PTPRN2: variants seen among roughly 807,000 people sequenced by gnomAD.
PTPRN2 encodes protein tyrosine phosphatase receptor type N2.
A neutral mutation model predicts 118.8 loss-of-function variants in PTPRN2; 74 were observed. That is an observed-to-expected ratio of 0.62 (90% CI 0.52 to 0.76). The LOEUF (loss-of-function observed/expected upper bound fraction) is 0.76, where lower values mean the gene tolerates loss of function less well. PTPRN2 is among the 30% of genes least tolerant of loss of function. PTPRN2 has a pLI of 0.00. For synonymous variants in PTPRN2, 641 were observed against 608.0 expected (o/e 1.05, Z -0.80); for missense variants, 1,481 against 1,394.4 (o/e 1.06, Z -0.99).
chr7:157,714,865 A>T (rs1002443444), intron 12 of PTPRN2, among the ~76,000 whole-genome samples: 3 of 150,992 alleles, frequency 2.0e-5, no homozygotes, highest in African/African-American at 4.9e-5. Flanking sequence ...TCCTGAGCAG[A>T]TTCTAGGTCT....
intron 12 of PTPRN2, among the ~76,000 whole-genome samples, chr7:157,738,361 A>C (rs2150957730): frequency 1.3e-5 from 2 of 152,280 alleles, no homozygotes; most frequent in South Asian, 4.1e-4. Flanking sequence ...ACTGGCGTGA[A>C]GTTCATCAGC....
chr7:158,317,033 C>A, intron 2 of PTPRN2, 101 bp from the exon 3 acceptor site: 2 of 877,894 alleles, frequency 2.3e-6, no homozygotes, highest in East Asian at 2.8e-5. Context: ...TCATGTGCCG[C>A]CGTGAGGTTT....
At chr7:157,828,396 C>G (rs1052911020) in intron 12 of PTPRN2, among the ~76,000 whole-genome samples, 1 of 152,196 alleles carries the variant, frequency 6.6e-6, no homozygotes, top group Non-Finnish European at 1.5e-5. Context: ...ACAAGACTTG[C>G]CCCCACTTCC....
intron 9 of PTPRN2, among the ~76,000 whole-genome samples, chr7:158,121,623 C>T (rs2150394846): frequency 6.6e-6 from 1 of 152,324 alleles, no homozygotes; most frequent in Non-Finnish European, 1.5e-5. Flanking sequence ...AATCCTGGGC[C>T]CAGCCCTCTG....
chr7:158,205,059 A>G, intron 4 of PTPRN2, 112 bp downstream of exon 4: 1 of 935,140 alleles, frequency 1.1e-6, no homozygotes, highest in East Asian at 2.5e-5. Context: ...TCTGCACCAG[A>G]AAGATGGTGG....
intron 3 of PTPRN2, among the ~76,000 whole-genome samples, chr7:158,269,240 G>A (rs929720168): frequency 1.3e-5 from 2 of 151,984 alleles, no homozygotes; most frequent in East Asian, 1.9e-4. Flanking sequence ...GCCAAACCTC[G>A]TCTCCTCATC....
chr7:158,454,979 G>A (rs956908930), intron 2 of PTPRN2, among the ~76,000 whole-genome samples: 3 of 152,122 alleles, frequency 2.0e-5, no homozygotes, highest in African/African-American at 7.2e-5. Flanking sequence ...CACAGGCATG[G>A]AGCAAACACA....
At chr7:157,981,378 C>T (rs543871680) in intron 11 of PTPRN2, among the ~76,000 whole-genome samples, 12 of 148,692 alleles carry the variant, frequency 8.1e-5, no homozygotes, top group South Asian at 2.1e-4. Context: ...CCTGCTATTC[C>T]GGGACGGGTG....
chr7:158,307,838 T>C (rs1801410063), intron 3 of PTPRN2, among the ~76,000 whole-genome samples: 2 of 152,174 alleles, frequency 1.3e-5, no homozygotes, highest in African/African-American at 4.8e-5. Context: ...AATCCACTCA[T>C]GAATTAATGA....
chr7:158,238,269 G>A (rs1046801256), intron 3 of PTPRN2, among the ~76,000 whole-genome samples: 3 of 152,110 alleles, frequency 2.0e-5, no homozygotes, highest in African/African-American at 7.2e-5. Context: ...GAGGAGCCCA[G>A]CACACCTGAT....
At chr7:157,818,127 G>A (rs1456404108) in intron 12 of PTPRN2, among the ~76,000 whole-genome samples, 2 of 151,184 alleles carry the variant, frequency 1.3e-5, no homozygotes, top group Non-Finnish European at 3.0e-5. Context: ...TGTGTGTAGT[G>A]TGTGTATATG....
chr7:158,040,842 C>T (rs1585252783), intron 11 of PTPRN2, among the ~76,000 whole-genome samples: 1 of 150,940 alleles, frequency 6.6e-6, no homozygotes, highest in Non-Finnish European at 1.5e-5. Flanking sequence ...AAGTGATTCT[C>T]CTGCCTCAGC....
At chr7:158,216,275 A>G (rs149611901) in intron 3 of PTPRN2, among the ~76,000 whole-genome samples, 1 of 152,280 alleles carries the variant, frequency 6.6e-6, no homozygotes, top group African/African-American at 2.4e-5. Context: ...AAATCATTAA[A>G]GTAACTCAAA....
intron 12 of PTPRN2, among the ~76,000 whole-genome samples, chr7:157,724,067 G>A (rs1405277053): frequency 1.3e-5 from 2 of 151,964 alleles, no homozygotes; most frequent in Non-Finnish European, 2.9e-5. Flanking sequence ...TGGAATTTAG[G>A]CTTCCCCCGT....
chr7:157,798,468 T>G (rs78850062), intron 12 of PTPRN2, among the ~76,000 whole-genome samples: 3,639 of 152,002 alleles, frequency 0.024, 135 homozygotes, highest in African/African-American at 0.08. Context: ...CATTTGGCTG[T>G]ACAGTCGTTA....
intron 2 of PTPRN2, among the ~76,000 whole-genome samples, chr7:158,458,351 C>A (rs1223214860): frequency 1.3e-5 from 2 of 152,124 alleles, no homozygotes; most frequent in Non-Finnish European, 2.9e-5. Flanking sequence ...GAAGCTCGGC[C>A]CCCAGCTCCC....
intron 11 of PTPRN2, among the ~76,000 whole-genome samples, chr7:157,902,033 TC>T (rs1001811362): frequency 2.6e-4 from 39 of 152,132 alleles, no homozygotes; most frequent in African/African-American, 8.5e-4. Flanking sequence ...AGTGCACACT[TC>T]CCCCAGCTGA....
intron 11 of PTPRN2, among the ~76,000 whole-genome samples, chr7:157,970,371 C>T (rs1022715038): frequency 1.2e-4 from 19 of 152,262 alleles, no homozygotes; most frequent in African/African-American, 3.1e-4. Context: ...TCAGCAGAAC[C>T]GGGGGACAGA....
chr7:158,196,329 T>C (rs1826207831), intron 4 of PTPRN2, among the ~76,000 whole-genome samples: 1 of 152,202 alleles, frequency 6.6e-6, no homozygotes. Context: ...TCATCAACTC[T>C]GGCAGGCCAC....
Sources: allele counts gnomAD v4.1 joint callset (sites outside exome capture counted in the v4.1 genomes callset), GRCh38; gene constraint gnomAD v4.1.1; transcripts MANE v1.5; gene names NCBI Gene and HGNC (gene_info 2026-07-23, HGNC 2026-07-21).